The following IDI1 variants were observed in gnomAD, a reference collection of about 807,000 sequenced individuals.
IDI1 encodes the protein isopentenyl-diphosphate Delta-isomerase 1.
Under a neutral mutation model 32.9 loss-of-function variants are expected in IDI1, and 23 were observed. The ratio of observed to expected loss-of-function variants is 0.70; its 90% CI spans 0.50 to 0.99. The LOEUF is 0.99. IDI1 is among the 50% of genes least tolerant of loss of function. The pLI, the probability that IDI1 is intolerant of heterozygous loss-of-function variation, is 0.00. For missense variants in IDI1, 326 were observed against 351.9 expected (o/e 0.93, Z 0.59); for synonymous variants, 133 against 128.2 (o/e 1.04, Z -0.25).
chr10:1,042,422 A>C (rs1011295251), intron 4 of IDI1: 113 of 520,622 alleles, frequency 2.2e-4, no homozygotes, highest in Non-Finnish European at 2.9e-4. Context: ...TTAACAGATC[A>C]ATCCATCCCC....
chr10:1,041,738 G>GT (rs368569740), intron 4 of IDI1, among the ~76,000 whole-genome samples: 6,388 of 134,940 alleles, frequency 0.047, 457 homozygotes, highest in African/African-American at 0.15. Context: ...GATCAGATAA[G>GT]TTTTTTTTTT....
At chr10:1,049,363 A>C (rs984568967), upstream of IDI1, among the ~76,000 whole-genome samples, 2 of 151,990 alleles carry the variant, frequency 1.3e-5, no homozygotes, top group African/African-American at 2.4e-5. Flanking sequence ...CAAGCCCTGC[A>C]GCCGGAAGCT....
At chr10:1,055,630 A>AT in the IDI1 span, among the ~76,000 whole-genome samples, 1 of 151,500 alleles carries the variant, frequency 6.6e-6, no homozygotes, top group Non-Finnish European at 1.5e-5. Flanking sequence ...AAACTCAAAT[A>AT]TTTTTTTCCT....
At chr10:1,046,336 C>T (rs1473288401) in intron 1 of IDI1, among the ~76,000 whole-genome samples, 1 of 152,192 alleles carries the variant, frequency 6.6e-6, no homozygotes, top group East Asian at 1.9e-4. Context: ...GAGCACAACA[C>T]ATCACCTTTT....
At chr10:1,049,482 C>G (rs1832931019), upstream of IDI1, 2 of 150,252 alleles carry the variant, frequency 1.3e-5, no homozygotes, top group South Asian at 2.6e-4. Context: ...TCCCCCCCCC[C>G]GAGTTCCGCC....
chr10:1,044,529 C>T (rs66797613), intron 1 of IDI1, among the ~76,000 whole-genome samples: 20,007 of 152,206 alleles, frequency 0.13, 1,767 homozygotes, highest in Non-Finnish European at 0.2. Flanking sequence ...CTTTTCTACA[C>T]CAGCTTCTGT....
At position 1,040,916 on chromosome 10, in the gene IDI1, TAA is replaced by T. The variant is rs1832556235; in HGVS notation, c.*269_*270del. On this transcript the variant is annotated 3_prime_UTR_variant, in exon 5 of 5. Coordinates refer to ENST00000381344, the MANE Select transcript of IDI1 (RefSeq NM_004508.4). ...AAGTATGTATCTGCAAAGATTAAAT[TAA>T]GTTTTATTTGCTCGCTCTCATTTTA... The T allele has an allele frequency of 3.2e-6, 1 of 316,076 alleles. No homozygotes were observed. Among genetic ancestry groups the T allele is most frequent in the Non-Finnish European group, 5.8e-6 (1 of 172,662 alleles). 19.6% of individuals were successfully genotyped at this position (316,076 alleles called of 1,614,324 possible).
Position 1,043,394 on chromosome 10 carries a change from C to G in IDI1, c.314-1G>C, listed in dbSNP as rs1306632309. 6.3e-7 allele frequency: 1 copy of G among 1,584,028 alleles called. No homozygotes were observed. The highest frequency in any genetic ancestry group is 1.3e-5 in the African/African-American group (1 of 74,474). On this transcript the variant is annotated splice_acceptor_variant, in intron 2 of 4. Coordinates refer to ENST00000381344, the MANE Select transcript of IDI1 (RefSeq NM_004508.4). LOFTEE classifies it high-confidence loss of function. ...ACACTAAAAGCTCGATGCAATAATCCTGAAAGCAAAAGAAATAACAATTAT... is the reference window on the plus strand; with the variant it reads ...ACACTAAAAGCTCGATGCAATAATCGTGAAAGCAAAAGAAATAACAATTAT...
rs113451685 is a variant in IDI1, at chr10:1,041,729, A to G, written c.538-225T>C. On this transcript the variant is annotated intron_variant, in intron 4 of 4. Coordinates refer to ENST00000381344, the MANE Select transcript of IDI1 (RefSeq NM_004508.4). ...TTCAAGTGTTTGCGTTTTTTTCCCG[A>G]TCAGATAAGTTTTTTTTTTTTTAAT... is the stretch of plus-strand genomic sequence containing the variant. 7.1e-3 allele frequency among the ~76,000 whole-genome samples: 1,011 copies of G among 143,188 alleles called. 8 individuals carry two copies. Among genetic ancestry groups the G allele is most frequent in the African/African-American group, 0.023 (924 of 39,782 alleles). The allele number at this position is 143,188 out of a possible 152,430, so 93.9% of individuals were successfully genotyped here.
rs747875115 is a variant in IDI1, at chr10:1,042,658, C to G, written c.511G>C (p.Ala171Pro). 1.7e-5 allele frequency: 27 copies of G among 1,613,930 alleles called. No individual in the cohort carries two copies. Among genetic ancestry groups the G allele is most frequent in the Admixed American group, 3.3e-5 (2 of 60,000 alleles). ...TCTTCCAAGGGAATTCCTAGCTCAG[C>G]TTTCAGCCGTCTCTGTGCTGCTCGC... Reference protein sequence around the residue: ...VRRAAQRRLKAELGIPLEEVP... With the variant: ...VRRAAQRRLKPELGIPLEEVP... Residue 171 changes from alanine to proline, a missense_variant, in exon 4 of 5, where the codon GCT (alanine) becomes CCT (proline). By Grantham distance (27) the Ala-to-Pro change is conservative. This residue lies in a region of IDI1 where 205 missense variants were observed against 273.5 expected (regional missense o/e 0.75). Transcript: ENST00000381344.
chr10:1,049,207 T>C, upstream of IDI1: 18 of 835,038 alleles, frequency 2.2e-5, no homozygotes, highest in Non-Finnish European at 2.9e-5. Flanking sequence ...GACTGGGCGG[T>C]GCCCGAGACC....
chr10:1,045,282 T>C (rs1318094039), intron 1 of IDI1, among the ~76,000 whole-genome samples: 1 of 152,238 alleles, frequency 6.6e-6, no homozygotes, highest in African/African-American at 2.4e-5. Context: ...AGCTTTCTAA[T>C]CTTTGTATCC....
At chr10:1,043,825 G>A in intron 2 of IDI1, 174 bp downstream of exon 2, 1 of 668,218 alleles carries the variant, frequency 1.5e-6, no homozygotes, top group Non-Finnish European at 2.7e-6. Flanking sequence ...AGAAATCGCT[G>A]TAACAGGAAG....
intron 1 of IDI1, chr10:1,048,583 G>A (rs2131583823): frequency 7.3e-7 from 1 of 1,364,412 alleles, no homozygotes; most frequent in East Asian, 3.1e-5. Context: ...TCAGGTGACT[G>A]TGCGCAGACG....
In IDI1 at chr10:1,042,782, A is replaced by G. The variant is rs751040063; in HGVS notation, c.407-20T>C. ...AACAACCTGGAAAATGGTAATACAG[A>G]GACAGATCAACTTTTCTTCAAAGTA... On this transcript the variant is annotated intron_variant, in intron 3 of 4. Transcript: ENST00000381344. 4.4e-6 allele frequency: 7 copies of G among 1,604,946 alleles called. No individual in the cohort carries two copies. Among genetic ancestry groups the G allele is most frequent in the Non-Finnish European group, 6.0e-6 (7 of 1,172,648 alleles).
upstream of IDI1, among the ~76,000 whole-genome samples, chr10:1,050,646 C>T (rs2131588181): frequency 6.6e-6 from 1 of 152,308 alleles, no homozygotes; most frequent in Non-Finnish European, 1.5e-5. Context: ...TTCAGTAGCT[C>T]AGGGCACAAA....
the IDI1 span, among the ~76,000 whole-genome samples, chr10:1,055,014 G>A: frequency 2.0e-5 from 3 of 152,218 alleles, no homozygotes; most frequent in African/African-American, 7.2e-5. Context: ...CTCTCAGAAG[G>A]AATCAACCCT....
Position 1,048,859 on chromosome 10 carries a change from A to T in IDI1, c.140+5T>A. On this transcript the variant is annotated splice_donor_5th_base_variant and intron_variant, in intron 1 of 4. Coordinates refer to ENST00000381344, the MANE Select transcript of IDI1 (RefSeq NM_004508.4). ...CTCCCGAACTCCGCCGCCCGTCCAC[A>T]GTACCTGATCAGCCTCCGGCCACAG... 1 of 1,605,328 alleles carries T rather than the reference A, an allele frequency of 6.2e-7. No individual in the cohort carries two copies. Among genetic ancestry groups the T allele is most frequent in the Non-Finnish European group, 8.5e-7 (1 of 1,177,080 alleles).
chr10:1,041,526 AGTAATT>A, intron 4 of IDI1, 22 bp from the exon 5 acceptor site: 2 of 1,287,570 alleles, frequency 1.6e-6, no homozygotes, highest in Non-Finnish European at 2.1e-6. Flanking sequence ...AAAAAAAAAA[AGTAATT>A]AAAACATCGG....
Sources: gnomAD v4.1 joint callset for allele counts (sites outside exome capture counted in the v4.1 genomes callset) on GRCh38, gnomAD v4.1.1 for gene constraint, gnomAD v4.1.1 regional missense constraint, MANE v1.5 for transcripts, NCBI Gene and HGNC (gene_info 2026-07-23, HGNC 2026-07-21) for gene names.